Variants in RAB9B observed in about 807,000 individuals in gnomAD.
The protein encoded by RAB9B is ras-related protein Rab-9B.
In RAB9B, 1 loss-of-function variant was observed where a neutral mutation model predicts 8.9. That is an observed-to-expected ratio of 0.11 (90% confidence interval 0.04 to 0.53). RAB9B has a LOEUF of 0.53. Ranked by LOEUF, RAB9B falls within the 20% of genes least tolerant of loss-of-function variation. The probability of loss-of-function intolerance (pLI) is 0.93; values close to 1 mark genes in which losing one functional copy is unlikely to be tolerated. For missense variants in RAB9B, 82 were observed against 152.9 expected (o/e 0.54, Z 2.45); for synonymous variants, 63 against 57.0 (o/e 1.10, Z -0.47).
At chrX:103,801,278 T>C in the RAB9B span, among the ~76,000 whole-genome samples, 1 of 110,826 alleles carries the variant, frequency 9.0e-6, no homozygotes, top group East Asian at 2.8e-4. Flanking sequence ...TTCAGATCAC[T>C]TTACACTTAT....
the RAB9B span, chrX:103,787,592 C>T: frequency 2.2e-6 from 1 of 456,306 alleles, no homozygotes; most frequent in Non-Finnish European, 3.9e-6. Context: ...CCATTCCCCC[C>T]ACCCTCCGTT....
downstream of RAB9B, among the ~76,000 whole-genome samples, chrX:103,819,125 G>A (rs1448777752): frequency 9.0e-6 from 1 of 111,666 alleles, no homozygotes; most frequent in Non-Finnish European, 1.9e-5. Flanking sequence ...GCTTCCTCAT[G>A]AATGCACCAC....
intron 1 of RAB9B, 47 bp downstream of exon 1, chrX:103,832,013 T>C (rs2074706145): frequency 8.9e-6 from 1 of 111,967 alleles, no homozygotes; most frequent in Non-Finnish European, 1.9e-5. Context: ...GCCTTCCGGG[T>C]CCTCCAGCCC....
the RAB9B span, among the ~76,000 whole-genome samples, chrX:103,793,133 A>G: frequency 6.0e-3 from 669 of 112,359 alleles, 14 homozygotes; most frequent in East Asian, 0.082. Flanking sequence ...CAGAGCAGGT[A>G]TGGAAAGGGC....
the RAB9B span, chrX:103,791,686 T>C: frequency 8.8e-6 from 1 of 113,000 alleles, no homozygotes; most frequent in Non-Finnish European, 1.9e-5. Flanking sequence ...CCAGTTTGTT[T>C]ATTACTTATT....
downstream of RAB9B, among the ~76,000 whole-genome samples, chrX:103,820,581 T>C (rs72616848): frequency 0.014 from 1,533 of 111,590 alleles, 34 homozygotes; most frequent in East Asian, 0.1. Context: ...TAAGACATCA[T>C]GAGGAGATTT....
chrX:103,780,439 CTGTGTG>C, the RAB9B span, among the ~76,000 whole-genome samples: 1 of 102,514 alleles, frequency 9.8e-6, no homozygotes, highest in Non-Finnish European at 2.0e-5. Flanking sequence ...CTGTCTCTCT[CTGTGTG>C]TGTGTGTGTG....
the RAB9B span, among the ~76,000 whole-genome samples, chrX:103,783,246 A>G: frequency 1.8e-5 from 2 of 112,360 alleles, no homozygotes; most frequent in Admixed American, 1.9e-4. Flanking sequence ...GTGTGCACAC[A>G]CACAGACACA....
the RAB9B span, among the ~76,000 whole-genome samples, chrX:103,816,478 C>G: frequency 9.0e-6 from 1 of 111,561 alleles, no homozygotes; most frequent in African/African-American, 3.3e-5. Context: ...CATAAACATC[C>G]TAGAAAAAAA....
At chrX:103,801,169 C>T in the RAB9B span, among the ~76,000 whole-genome samples, 2 of 110,817 alleles carry the variant, frequency 1.8e-5, no homozygotes, top group East Asian at 5.7e-4. Flanking sequence ...TTCCTGTTAC[C>T]GTGGACACTC....
chrX:103,777,189 AC>A, the RAB9B span, among the ~76,000 whole-genome samples: 1 of 112,010 alleles, frequency 8.9e-6, no homozygotes, highest in Non-Finnish European at 1.9e-5. Flanking sequence ...ATGCTTTATT[AC>A]CAAAGAATTC....
At chrX:103,786,926 T>C in the RAB9B span, 1 of 454,392 alleles carries the variant, frequency 2.2e-6, no homozygotes, top group East Asian at 3.7e-5. Context: ...AAAGGTTCCC[T>C]AAGCAAATTT....
At chrX:103,778,962 C>T in the RAB9B span, among the ~76,000 whole-genome samples, 3 of 111,944 alleles carry the variant, frequency 2.7e-5, no homozygotes, top group African/African-American at 9.7e-5. Context: ...ATTAAATGTT[C>T]GTACAGCCTC....
the RAB9B span, among the ~76,000 whole-genome samples, chrX:103,804,311 G>A: frequency 2.8e-4 from 31 of 112,207 alleles, 1 homozygote; most frequent in Admixed American, 1.7e-3. Flanking sequence ...CATCATAAAT[G>A]TAAGGGTTTA....
chrX:103,831,921 T>C (rs1227064846), intron 1 of RAB9B, 139 bp downstream of exon 1: 1 of 110,948 alleles, frequency 9.0e-6, no homozygotes, highest in African/African-American at 3.3e-5. Flanking sequence ...AGCGGCTCAG[T>C]CCCTTTTCTC....
At chrX:103,779,870 T>A in the RAB9B span, 1 of 112,343 alleles carries the variant, frequency 8.9e-6, no homozygotes, top group Non-Finnish European at 1.9e-5. Context: ...ATCCCCTGGG[T>A]ACAGGTCTTT....
the RAB9B span, chrX:103,791,636 G>A: frequency 6.2e-5 from 7 of 112,633 alleles, no homozygotes; most frequent in African/African-American, 2.3e-4. Flanking sequence ...GTGATTTGAA[G>A]GTCTTGATTT....
At chrX:103,819,580 A>C (rs1052140831), downstream of RAB9B, among the ~76,000 whole-genome samples, 2 of 110,910 alleles carry the variant, frequency 1.8e-5, no homozygotes, top group Admixed American at 1.9e-4. Flanking sequence ...TGCCCCCTTA[A>C]AAAAAAACCC....
rs1255847658 is a variant in RAB9B, at chrX:103,825,800, AG to A, written c.-17del. 1 of 1,147,372 alleles carries A rather than the reference AG, an allele frequency of 8.7e-7. No individual in the cohort carries two copies. Among genetic ancestry groups the A allele is most frequent in the Non-Finnish European group, 1.2e-6 (1 of 863,544 alleles). 94.6% of individuals were successfully genotyped at this position (1,147,372 alleles called of 1,213,427 possible). ...TCCCACTCATTTTTGCAGCACCAGA[AG>A]GGAAGGAGTTTGTAACCAAGAGAAC... is the stretch of plus-strand genomic sequence containing the variant. On this transcript the variant is annotated 5_prime_UTR_variant, in exon 3 of 3. Coordinates refer to ENST00000243298, the MANE Select transcript of RAB9B (RefSeq NM_016370.4).
Sources: gnomAD v4.1 joint callset for allele counts (sites outside exome capture counted in the v4.1 genomes callset) on GRCh38, gnomAD v4.1.1 for gene constraint, MANE v1.5 for transcripts, NCBI Gene and HGNC (gene_info 2026-07-23, HGNC 2026-07-21) for gene names.